TFDP2: variants seen among roughly 807,000 people sequenced by gnomAD.
TFDP2 encodes the protein transcription factor Dp-2, also known as transcription factor Dp-2 (E2F dimerization partner 2).
Under a neutral mutation model 59.3 loss-of-function variants are expected in TFDP2, and 17 were observed. The ratio of observed to expected loss-of-function variants is 0.29; its 90% CI spans 0.20 to 0.43. TFDP2 has a LOEUF of 0.43. Among genes scored for constraint, TFDP2 ranks in the 20% least tolerant of loss-of-function variants. The pLI is 1.00. For synonymous variants in TFDP2, 180 were observed against 194.7 expected (o/e 0.92, Z 0.63); for missense variants, 391 against 528.8 (o/e 0.74, Z 2.56).
intron 3 of TFDP2, among the ~76,000 whole-genome samples, chr3:142,052,500 G>C (rs1159835034): frequency 6.6e-6 from 1 of 151,552 alleles, no homozygotes; most frequent in African/African-American, 2.4e-5. Context: ...AGTGGAGATC[G>C]AGCGGAGATC....
At chr3:142,105,676 T>C (rs2061446897) in intron 1 of TFDP2, among the ~76,000 whole-genome samples, 1 of 152,172 alleles carries the variant, frequency 6.6e-6, no homozygotes, top group African/African-American at 2.4e-5. Context: ...CCAATAAAAA[T>C]AGCCATATTA....
At chr3:142,034,542 C>T (rs1384952384) in intron 3 of TFDP2, among the ~76,000 whole-genome samples, 1 of 152,116 alleles carries the variant, frequency 6.6e-6, no homozygotes, top group Non-Finnish European at 1.5e-5. Flanking sequence ...AAAACAAAAA[C>T]CCAATTTGGC....
At chr3:142,044,638 TG>T (rs1947237058) in intron 3 of TFDP2, among the ~76,000 whole-genome samples, 1 of 152,192 alleles carries the variant, frequency 6.6e-6, no homozygotes, top group Non-Finnish European at 1.5e-5. Flanking sequence ...CCCAAAGTGC[TG>T]GGATTACAGG....
In TFDP2 at chr3:141,983,615, T is replaced by C. The variant is rs189679001; in HGVS notation, c.357-4933A>G. On this transcript the variant is annotated intron_variant, in intron 6 of 12. Coordinates refer to ENST00000489671, the MANE Select transcript of TFDP2 (RefSeq NM_001178139.2). ...TCACACGCCAGCCTGGGAGTGAGAATGTCTCAAGAAAAAAAAAAAAAAAGG... is the reference window on the plus strand; with the variant it reads ...TCACACGCCAGCCTGGGAGTGAGAACGTCTCAAGAAAAAAAAAAAAAAAGG... Among the ~76,000 whole-genome samples, 195 of 143,088 alleles carry C rather than the reference T, an allele frequency of 1.4e-3. 1 individual carries two copies. Among genetic ancestry groups the C allele is most frequent in the African/African-American group, 4.8e-3 (187 of 38,642 alleles). 93.9% of individuals were successfully genotyped at this position (143,088 alleles called of 152,430 possible).
intron 1 of TFDP2, among the ~76,000 whole-genome samples, chr3:142,139,655 G>A (rs1181035310): frequency 6.6e-6 from 1 of 152,100 alleles, no homozygotes; most frequent in East Asian, 1.9e-4. Context: ...TGAGATTCTG[G>A]GTTGAAAATT....
chr3:142,055,749 A>C (rs1345685170), intron 3 of TFDP2, among the ~76,000 whole-genome samples: 1 of 152,042 alleles, frequency 6.6e-6, no homozygotes, highest in Non-Finnish European at 1.5e-5. Context: ...CAGCTACCAG[A>C]GGGGAACCTG....
chr3:142,057,186 C>T (rs1219262566), intron 3 of TFDP2, among the ~76,000 whole-genome samples: 1 of 152,136 alleles, frequency 6.6e-6, no homozygotes, highest in Non-Finnish European at 1.5e-5. Flanking sequence ...AGCAGGAGGT[C>T]TGAATGGCAC....
At chr3:142,065,564 C>T (rs147635911) in intron 3 of TFDP2, among the ~76,000 whole-genome samples, 175 of 150,736 alleles carry the variant, frequency 1.2e-3, no homozygotes, top group African/African-American at 4.0e-3. Context: ...TAGGCTGGAG[C>T]AGGGTGGCGC....
intron 3 of TFDP2, among the ~76,000 whole-genome samples, chr3:142,015,327 A>C (rs943765641): frequency 2.6e-4 from 40 of 152,282 alleles, no homozygotes; most frequent in African/African-American, 9.1e-4. Flanking sequence ...CATATCCACT[A>C]TCTTCTCATA....
chr3:142,073,437 T>C (rs2060317027), intron 3 of TFDP2, among the ~76,000 whole-genome samples: 1 of 102,962 alleles, frequency 9.7e-6, no homozygotes, highest in East Asian at 3.1e-4. Flanking sequence ...CTGTGTTAAA[T>C]GCTTAAAAAC....
intron 3 of TFDP2, among the ~76,000 whole-genome samples, chr3:142,056,220 G>A (rs1262040001): frequency 6.6e-6 from 1 of 151,152 alleles, no homozygotes; most frequent in Non-Finnish European, 1.5e-5. Flanking sequence ...CCAAAGTGCT[G>A]GGATTACAGG....
At chr3:142,063,673 G>T (rs1345435740) in intron 3 of TFDP2, among the ~76,000 whole-genome samples, 1 of 152,168 alleles carries the variant, frequency 6.6e-6, no homozygotes, top group Admixed American at 6.5e-5. Context: ...GGTTGAAAAA[G>T]CAACAAAATG....
At chr3:142,097,212 T>C (rs2061189428) in intron 2 of TFDP2, among the ~76,000 whole-genome samples, 1 of 152,190 alleles carries the variant, frequency 6.6e-6, no homozygotes, top group South Asian at 2.1e-4. Flanking sequence ...ATCTTAGCAA[T>C]ATGAATCAAA....
In TFDP2 at chr3:141,949,199, T is replaced by C. The variant is rs1234088271; in HGVS notation, c.*3314A>G. ...AGAGTACTGTTAACAACTGTAAAAT[T>C]TGCTAATGGAAGGAGTTATCCTCTT... On this transcript the variant is annotated 3_prime_UTR_variant, in exon 13 of 13. Transcript: ENST00000489671. The C allele has an allele frequency of 1.3e-5, 2 of 152,176 alleles. No individual in the cohort carries two copies. The highest frequency in any genetic ancestry group is 4.8e-5 in the African/African-American group (2 of 41,448). 9.4% of individuals were successfully genotyped at this position (152,176 alleles called of 1,614,324 possible). A position where few individuals can be genotyped will look rare whatever the true frequency, so the allele number is the denominator to read the frequency against.
At chr3:141,962,397 C>T (rs1006901348) in intron 10 of TFDP2, among the ~76,000 whole-genome samples, 2 of 150,850 alleles carry the variant, frequency 1.3e-5, no homozygotes, top group Non-Finnish European at 3.0e-5. Flanking sequence ...CTTGCTCTGT[C>T]GTCCAGGCTG....
In TFDP2 at chr3:141,959,533, G is replaced by A. The variant is rs1937103376; in HGVS notation, c.1051+141C>T. 1.8e-5 allele frequency: 15 copies of A among 831,812 alleles called. No homozygotes were observed. In the South Asian group the frequency reaches 2.6e-4, roughly 14 times the overall value. The allele number at this position is 831,812 out of a possible 1,614,324, so 51.5% of individuals were successfully genotyped here. On this transcript the variant is annotated intron_variant, in intron 11 of 12. Transcript: ENST00000489671. Reference sequence around the variant, plus strand: ...ATTTAATCTAATTTTTGAAAAAATGGTCCTAAAGTGTTAAAGGTTTCAGTT... The same window carrying A: ...ATTTAATCTAATTTTTGAAAAAATGATCCTAAAGTGTTAAAGGTTTCAGTT...
At chr3:142,093,934 C>T (rs1254959055) in intron 2 of TFDP2, 1 of 510,564 alleles carries the variant, frequency 2.0e-6, no homozygotes, top group Non-Finnish European at 3.9e-6. Context: ...GCACATACTG[C>T]TCAATCCATG....
At chr3:142,050,470 C>T (rs978638935) in intron 3 of TFDP2, among the ~76,000 whole-genome samples, 16 of 151,854 alleles carry the variant, frequency 1.1e-4, no homozygotes, top group South Asian at 8.3e-4. Context: ...CCGAGGCAGG[C>T]GGATCACAAG....
intron 3 of TFDP2, among the ~76,000 whole-genome samples, chr3:142,030,985 G>A (rs1036847562): frequency 2.0e-5 from 3 of 151,572 alleles, no homozygotes; most frequent in Admixed American, 6.6e-5. Context: ...CTCGTGATCC[G>A]CCCGCCTCGG....
Sources: gnomAD v4.1 joint callset for allele counts (sites outside exome capture counted in the v4.1 genomes callset) on GRCh38, gnomAD v4.1.1 for gene constraint, MANE v1.5 for transcripts, NCBI Gene and HGNC (gene_info 2026-07-23, HGNC 2026-07-21) for gene names.